Variants in RGMA observed in about 807,000 individuals in gnomAD.
RGMA encodes the protein repulsive guidance molecule BMP co-receptor a.
Under a neutral mutation model 23.2 loss-of-function variants are expected in RGMA, and 10 were observed. The observed-to-expected ratio is 0.43, with a 90% CI of 0.27 to 0.73. RGMA has a LOEUF of 0.73. RGMA is among the 30% of genes least tolerant of loss of function. The probability of loss-of-function intolerance (pLI) is 0.20; values close to 1 mark genes in which losing one functional copy is unlikely to be tolerated. For missense variants in RGMA, 547 were observed against 630.5 expected (o/e 0.87, Z 1.42); for synonymous variants, 308 against 279.3 (o/e 1.10, Z -1.03).
intron 3 of RGMA, among the ~76,000 whole-genome samples, chr15:93,050,751 T>G (rs2054904240): frequency 6.6e-6 from 1 of 152,130 alleles, no homozygotes; most frequent in African/African-American, 2.4e-5. Context: ...GGGGTCCACA[T>G]CCCTCTCACA....
In RGMA at chr15:93,044,606, C is replaced by T. The variant is rs953192252; in HGVS notation, c.*392G>A. ...CGTGTGGCGGGCACAGGGGGCCCCA[C>T]GGATCGGCGAGCAGCAGTCGGCCGG... On this transcript the variant is annotated 3_prime_UTR_variant, in exon 4 of 4. Coordinates refer to ENST00000329082, the MANE Select transcript of RGMA (RefSeq NM_020211.3). The T allele has an allele frequency of 1.1e-4, 30 of 264,860 alleles. No homozygotes were observed. The highest frequency in any genetic ancestry group is 5.0e-4 in the Admixed American group (10 of 19,940). The allele number at this position is 264,860 out of a possible 1,614,324, so 16.4% of individuals were successfully genotyped here. A position where few individuals can be genotyped will look rare whatever the true frequency, so the allele number is the denominator to read the frequency against.
At chr15:93,058,456 C>T (rs2055048931) in intron 2 of RGMA, among the ~76,000 whole-genome samples, 1 of 152,252 alleles carries the variant, frequency 6.6e-6, no homozygotes, top group Non-Finnish European at 1.5e-5. Flanking sequence ...GGGAAGGAAG[C>T]TCTGTGACAG....
In RGMA at chr15:93,044,630, G is replaced by A. The variant is rs542511142; in HGVS notation, c.*368C>T. The A allele has an allele frequency of 5.0e-5, 15 of 299,904 alleles. No individual in the cohort carries two copies. Among genetic ancestry groups the A allele is most frequent in the Non-Finnish European group, 8.2e-5 (13 of 159,090 alleles). The allele number at this position is 299,904 out of a possible 1,614,324, so 18.6% of individuals were successfully genotyped here. On this transcript the variant is annotated 3_prime_UTR_variant, in exon 4 of 4. Transcript: ENST00000329082. Reference sequence around the variant, plus strand: ...ACGGATCGGCGAGCAGCAGTCGGCCGGGCCTTTCAGTGCATTGCGAGGGGG... The same window carrying A: ...ACGGATCGGCGAGCAGCAGTCGGCCAGGCCTTTCAGTGCATTGCGAGGGGG...
chr15:93,049,929 A>C (rs775567088), intron 3 of RGMA, among the ~76,000 whole-genome samples: 1 of 152,198 alleles, frequency 6.6e-6, no homozygotes, highest in South Asian at 2.1e-4. Flanking sequence ...CAGAGGCCTC[A>C]TCATCTTGGA....
At chr15:93,074,799 C>T (rs915742304) in intron 1 of RGMA, among the ~76,000 whole-genome samples, 5 of 152,204 alleles carry the variant, frequency 3.3e-5, no homozygotes, top group South Asian at 2.1e-4. Flanking sequence ...CACCGGGGCA[C>T]GCTAAGCAGG....
At chr15:93,083,380 T>A (rs563397308) in intron 1 of RGMA, among the ~76,000 whole-genome samples, 1 of 152,038 alleles carries the variant, frequency 6.6e-6, no homozygotes, top group South Asian at 2.1e-4. Context: ...CAGGCTGGAG[T>A]GTAATGGCAT....
At position 93,045,790 on chromosome 15, in the gene RGMA, G is replaced by T; in HGVS notation, c.646-85C>A. ...ACACTTAAGATGCTCTAGACTGAGA[G>T]GAGGGCAGGAAGGATCCCCAGGGAT... On this transcript the variant is annotated intron_variant, in intron 3 of 3. Coordinates refer to ENST00000329082, the MANE Select transcript of RGMA (RefSeq NM_020211.3). This position sits in a 1 kb window ranked among gnomAD's most constrained non-coding sequence, Gnocchi z 6.9. 9.7e-7 allele frequency: 1 copy of T among 1,026,346 alleles called. No homozygotes were observed. The allele number at this position is 1,026,346 out of a possible 1,614,324, so 63.6% of individuals were successfully genotyped here. A position where few individuals can be genotyped will look rare whatever the true frequency, so the allele number is the denominator to read the frequency against.
At chr15:93,055,216 C>T (rs1482538248) in intron 2 of RGMA, among the ~76,000 whole-genome samples, 3 of 152,186 alleles carry the variant, frequency 2.0e-5, no homozygotes, top group Non-Finnish European at 4.4e-5. Context: ...CTCCGGTTCA[C>T]CTGTGGCACT....
At chr15:93,054,397 G>A (rs113943413) in intron 2 of RGMA, among the ~76,000 whole-genome samples, 39,191 of 152,024 alleles carry the variant, frequency 0.26, 5,543 homozygotes, top group South Asian at 0.47. Context: ...ACCTTGAACT[G>A]TAATAATCTC....
intron 1 of RGMA, 109 bp downstream of exon 1, chr15:93,088,810 T>C: frequency 3.8e-6 from 4 of 1,054,568 alleles, no homozygotes; most frequent in East Asian, 3.2e-5. Flanking sequence ...GGGAGCAAGA[T>C]GAGACGCGGG....
At chr15:93,058,014 C>T (rs1596089332) in intron 2 of RGMA, among the ~76,000 whole-genome samples, 1 of 152,174 alleles carries the variant, frequency 6.6e-6, no homozygotes, top group Admixed American at 6.5e-5. Flanking sequence ...CCTAAAATGC[C>T]TCTTCTGCTG....
intron 3 of RGMA, among the ~76,000 whole-genome samples, chr15:93,049,404 G>C (rs959083857): frequency 6.6e-6 from 1 of 152,212 alleles, no homozygotes; most frequent in African/African-American, 2.4e-5. Flanking sequence ...CAGGACTTGA[G>C]TTCCTGTCCT....
chr15:93,044,949 T>C lies in RGMA; in HGVS notation c.*49A>G. The C allele has an allele frequency of 2.0e-6, 3 of 1,474,128 alleles. No homozygotes were observed. In the African/African-American group the frequency reaches 4.2e-5, roughly 21 times the overall value. The allele number at this position is 1,474,128 out of a possible 1,614,324, so 91.3% of individuals were successfully genotyped here. A position where few individuals can be genotyped will look rare whatever the true frequency, so the allele number is the denominator to read the frequency against. ...CCCGTGGGCGGTCCCAGCCCACACA[T>C]GGGGAAGCCGAGAGGACGGAGCCCG... On this transcript the variant is annotated 3_prime_UTR_variant, in exon 4 of 4. Transcript: ENST00000329082.
chr15:93,054,388 C>T (rs1246174158), intron 2 of RGMA, among the ~76,000 whole-genome samples: 2 of 152,088 alleles, frequency 1.3e-5, no homozygotes, highest in African/African-American at 4.8e-5. Context: ...CCAAATCTCA[C>T]CTTGAACTGT....
intron 1 of RGMA, among the ~76,000 whole-genome samples, chr15:93,076,054 A>G (rs539682644): frequency 6.6e-6 from 1 of 152,356 alleles, no homozygotes; most frequent in African/African-American, 2.4e-5. Flanking sequence ...TAGATTTGAG[A>G]ACTCAGCACT....
chr15:93,082,696 A>T (rs1895577837), intron 1 of RGMA, among the ~76,000 whole-genome samples: 1 of 152,260 alleles, frequency 6.6e-6, no homozygotes, highest in African/African-American at 2.4e-5. Flanking sequence ...CTTTTTAAGA[A>T]GAGAAAAATT....
intron 1 of RGMA, among the ~76,000 whole-genome samples, chr15:93,082,446 A>G (rs34236769): frequency 0.083 from 12,580 of 152,296 alleles, 726 homozygotes; most frequent in Non-Finnish European, 0.13. Context: ...ACTCATTTCT[A>G]AGTCTTGTCT....
rs887501128 is a variant in RGMA, at chr15:93,040,330, A to C, written c.*4668T>G. ...TCCTCCCGGAGCCGGAGAGCCCTGC[A>C]GTACTTTGGCTGCTCTGTGGCCTCA... On this transcript the variant is annotated 3_prime_UTR_variant, in exon 4 of 4. Coordinates refer to ENST00000329082, the MANE Select transcript of RGMA (RefSeq NM_020211.3). The C allele has an allele frequency of 2.6e-5, 4 of 152,408 alleles. No homozygotes were observed. The highest frequency in any genetic ancestry group is 5.9e-5 in the Non-Finnish European group (4 of 68,184). 9.4% of individuals were successfully genotyped at this position (152,408 alleles called of 1,614,324 possible).
chr15:93,060,102 C>T (rs892436092), intron 2 of RGMA, among the ~76,000 whole-genome samples: 1 of 152,152 alleles, frequency 6.6e-6, no homozygotes, highest in Non-Finnish European at 1.5e-5. Flanking sequence ...CTTGATGGAT[C>T]CAGGACAGCC....
Sources: allele counts gnomAD v4.1 joint callset (sites outside exome capture counted in the v4.1 genomes callset), GRCh38; gene constraint gnomAD v4.1.1; non-coding constraint Gnocchi (gnomAD v3.1); transcripts MANE v1.5; gene names NCBI Gene and HGNC (gene_info 2026-07-23, HGNC 2026-07-21).